Variants in NOS1AP observed in about 807,000 individuals in gnomAD.
NOS1AP encodes nitric oxide synthase 1 adaptor protein, also known as carboxyl-terminal PDZ ligand of neuronal nitric oxide synthase protein.
Under a neutral mutation model 56.2 loss-of-function variants are expected in NOS1AP, and 21 were observed. That is an observed-to-expected ratio of 0.37 (90% CI 0.26 to 0.54). The LOEUF (loss-of-function observed/expected upper bound fraction) is 0.54. NOS1AP is among the 20% of genes least tolerant of loss of function. NOS1AP has a pLI of 0.84. For missense variants in NOS1AP, 522 were observed against 657.8 expected, an observed-to-expected ratio of 0.79 and a Z score of 2.26; for synonymous variants, 270 against 274.6, an observed-to-expected ratio of 0.98 and a Z score of 0.17.
chr1:162,361,388 C>T (rs1191812257), intron 8 of NOS1AP, among the ~76,000 whole-genome samples: 1 of 152,172 alleles, frequency 6.6e-6, no homozygotes, highest in African/African-American at 2.4e-5. Context: ...CAAGGTTTCA[C>T]GTAACGCTGC....
intron 2 of NOS1AP, among the ~76,000 whole-genome samples, chr1:162,284,272 C>T (rs1392591989): frequency 1.3e-5 from 2 of 152,186 alleles, no homozygotes; most frequent in Non-Finnish European, 2.9e-5. Flanking sequence ...TTTTCAGATA[C>T]TTGATTTCCT....
chr1:162,301,198 TA>T (rs1379838547), intron 4 of NOS1AP, among the ~76,000 whole-genome samples: 1 of 152,142 alleles, frequency 6.6e-6, no homozygotes, highest in East Asian at 1.9e-4. Flanking sequence ...CCAAAATTTG[TA>T]TGTTGAAATC....
intron 1 of NOS1AP, among the ~76,000 whole-genome samples, chr1:162,113,408 G>A (rs1397042656): frequency 6.6e-6 from 1 of 152,130 alleles, no homozygotes; most frequent in African/African-American, 2.4e-5. Flanking sequence ...CTGCTGATGA[G>A]GGCACCTCCT....
intron 8 of NOS1AP, chr1:162,364,225 A>G (rs537280125): frequency 5.8e-4 from 570 of 985,108 alleles, no homozygotes; most frequent in Non-Finnish European, 6.6e-4. Flanking sequence ...TCCTCGTCCC[A>G]CCTCTCCTGC....
At chr1:162,311,592 T>A (rs10158136) in intron 4 of NOS1AP, among the ~76,000 whole-genome samples, 81,848 of 148,658 alleles carry the variant, frequency 0.55, 22,331 homozygotes, top group East Asian at 0.59. Flanking sequence ...TTTTTTTTTT[T>A]TAATTATACT....
intron 2 of NOS1AP, among the ~76,000 whole-genome samples, chr1:162,276,600 A>G (rs1168133631): frequency 2.0e-5 from 3 of 151,770 alleles, no homozygotes; most frequent in Admixed American, 2.0e-4. Context: ...GGTGGGATCC[A>G]GACACCAGTA....
At chr1:162,102,414 T>G (rs959788057) in intron 1 of NOS1AP, among the ~76,000 whole-genome samples, 10 of 152,192 alleles carry the variant, frequency 6.6e-5, no homozygotes, top group Non-Finnish European at 1.5e-5. Flanking sequence ...TTTCTTTTTT[T>G]GTTGTATCTC....
chr1:162,143,315 C>G (rs1327912408), intron 1 of NOS1AP, among the ~76,000 whole-genome samples: 1 of 152,114 alleles, frequency 6.6e-6, no homozygotes, highest in Non-Finnish European at 1.5e-5. Context: ...TTTAGATCAC[C>G]TCACTCTGTG....
At chr1:162,260,502 A>G (rs73019426) in intron 2 of NOS1AP, among the ~76,000 whole-genome samples, 3,345 of 152,304 alleles carry the variant, frequency 0.022, 145 homozygotes, top group African/African-American at 0.077. Context: ...GAATAGATAT[A>G]TCTAATTTAA....
chr1:162,224,621 T>C (rs1399185792), intron 2 of NOS1AP, among the ~76,000 whole-genome samples: 1 of 152,162 alleles, frequency 6.6e-6, no homozygotes, highest in Non-Finnish European at 1.5e-5. Flanking sequence ...TTACTTTAAC[T>C]AATTAAACAT....
intron 1 of NOS1AP, among the ~76,000 whole-genome samples, chr1:162,080,910 T>A (rs1362482952): frequency 1.3e-5 from 2 of 152,170 alleles, no homozygotes; most frequent in African/African-American, 2.4e-5. Context: ...TAAGGTATTA[T>A]CATTATTTGT....
intron 2 of NOS1AP, among the ~76,000 whole-genome samples, chr1:162,259,492 A>C (rs1011894782): frequency 2.0e-5 from 3 of 152,216 alleles, no homozygotes; most frequent in Admixed American, 2.0e-4. Context: ...TTGCCATTCT[A>C]TAATATGTGT....
At chr1:162,337,450 T>C (rs755164899) in intron 5 of NOS1AP, among the ~76,000 whole-genome samples, 1 of 152,196 alleles carries the variant, frequency 6.6e-6, no homozygotes, top group Non-Finnish European at 1.5e-5. Flanking sequence ...AGATGAAAGA[T>C]AGGAAAGTTC....
chr1:162,093,868 A>G (rs1692184365), intron 1 of NOS1AP, among the ~76,000 whole-genome samples: 1 of 152,210 alleles, frequency 6.6e-6, no homozygotes, highest in Admixed American at 6.5e-5. Context: ...ACATTACTGA[A>G]AAAAATTAAG....
intron 8 of NOS1AP, chr1:162,364,468 C>G: frequency 1.0e-6 from 1 of 985,444 alleles, no homozygotes; most frequent in Non-Finnish European, 1.2e-6. Flanking sequence ...GGGTCCTGGT[C>G]TGGTTGCCCC....
intron 2 of NOS1AP, among the ~76,000 whole-genome samples, chr1:162,284,813 C>T (rs1180231520): frequency 2.0e-5 from 3 of 151,990 alleles, no homozygotes; most frequent in Admixed American, 1.3e-4. Context: ...TTGCTATGCT[C>T]GGGTAAGAAA....
chr1:162,351,399 T>C (rs1481340697), intron 6 of NOS1AP, among the ~76,000 whole-genome samples: 2 of 152,200 alleles, frequency 1.3e-5, no homozygotes, highest in East Asian at 1.9e-4. Context: ...CCTATGACAC[T>C]GAACAGCACT....
At chr1:162,274,834 ATGTG>A (rs1571181848) in intron 2 of NOS1AP, among the ~76,000 whole-genome samples, 1 of 152,314 alleles carries the variant, frequency 6.6e-6, no homozygotes, top group East Asian at 1.9e-4. Context: ...GTTTCTTTAC[ATGTG>A]TTTATTTGCT....
Position 162,367,138 on chromosome 1 carries a change from G to A in NOS1AP, c.1192G>A (p.Asp398Asn), listed in dbSNP as rs1379410629. 3 of 1,613,714 alleles carry A rather than the reference G, an allele frequency of 1.9e-6. No homozygotes were observed. The highest frequency in any genetic ancestry group is 1.7e-5 in the Admixed American group (1 of 59,996). ...TGACCCCACGACCCCTAAGCCAGAG[G>A]ACCTGCATTCGCCGCCGCTGGGCGC... ...LCDPTTPKPE[D>N]LHSPPLGAGL... The change falls in exon 10 of 10, where the codon GAC (aspartate) becomes AAC (asparagine). Residue 398 changes from aspartate to asparagine, a missense_variant. Asp to Asn is a conservative substitution (Grantham distance 23). Transcript: ENST00000361897. The surrounding 1 kb of genome is among the most constrained non-coding windows in gnomAD (Gnocchi z 6.5).
Sources: allele counts gnomAD v4.1 joint callset (sites outside exome capture counted in the v4.1 genomes callset), GRCh38; gene constraint gnomAD v4.1.1; non-coding constraint Gnocchi (gnomAD v3.1); transcripts MANE v1.5; gene names NCBI Gene and HGNC (gene_info 2026-07-23, HGNC 2026-07-21).